Variants in PMEPA1 observed in about 807,000 individuals in gnomAD.
PMEPA1 encodes the protein protein TMEPAI.
In PMEPA1, 11 loss-of-function variants were observed where a neutral mutation model predicts 23.0. The ratio of observed to expected loss-of-function variants is 0.48; its 90% CI spans 0.30 to 0.79. PMEPA1 has a LOEUF of 0.79. Among genes scored for constraint, PMEPA1 ranks in the 30% least tolerant of loss-of-function variants. The probability of loss-of-function intolerance (pLI) is 0.06; values close to 1 mark genes in which losing one functional copy is unlikely to be tolerated. For missense variants in PMEPA1, 377 were observed against 390.9 expected (o/e 0.96, Z 0.30); for synonymous variants, 204 against 166.4 (o/e 1.23, Z -1.74).
At chr20:57,686,646 C>T (rs368542713) in intron 1 of PMEPA1, among the ~76,000 whole-genome samples, 4 of 152,254 alleles carry the variant, frequency 2.6e-5, no homozygotes, top group African/African-American at 4.8e-5. Flanking sequence ...CGGCATCCAC[C>T]GGCCTCTTTC....
intron 1 of PMEPA1, among the ~76,000 whole-genome samples, chr20:57,684,057 G>A (rs2071765452): frequency 6.6e-6 from 1 of 152,196 alleles, no homozygotes; most frequent in East Asian, 1.9e-4. Context: ...TAGGCTGATA[G>A]GTTAGACTCG....
intron 1 of PMEPA1, among the ~76,000 whole-genome samples, chr20:57,676,411 T>C (rs536036609): frequency 2.4e-4 from 36 of 152,336 alleles, no homozygotes; most frequent in African/African-American, 7.0e-4. Flanking sequence ...GCAGGCATCA[T>C]GACATGGCAA....
At position 57,681,430 on chromosome 20, in the gene PMEPA1, G is replaced by A. The variant is rs577832712; in HGVS notation, c.110-21733C>T. Among the ~76,000 whole-genome samples, 14 of 152,282 alleles carry A rather than the reference G, an allele frequency of 9.2e-5. No individual in the cohort carries two copies. In the Middle Eastern group the frequency reaches 0.01, roughly 111 times the overall value. Reference sequence around the variant, plus strand: ...AGCCAGTCCCACTTCTGCCATCTGCGGGTGACAGCGAGAGACCTCTCTAGG... The same window carrying A: ...AGCCAGTCCCACTTCTGCCATCTGCAGGTGACAGCGAGAGACCTCTCTAGG... On this transcript the variant is annotated intron_variant, in intron 1 of 3. Transcript: ENST00000341744.
rs541257415 is a variant in PMEPA1, at chr20:57,659,560, C to T, written c.247G>A (p.Glu83Lys). ...GCACTTACTGAGGACAGGGCATCTT[C>T]TCTCCTCCGCCCCTGGCTGTGCCGG... ...ISRHSQGRRR[E>K]DALSSEGCLW... Residue 83 changes from glutamate to lysine, a missense_variant, in exon 2 of 4, where the codon GAA (glutamate) becomes AAA (lysine). This residue lies in a region of PMEPA1 where 198 missense variants were observed against 196.3 expected (regional missense o/e 1.01). Coordinates refer to ENST00000341744, the MANE Select transcript of PMEPA1 (RefSeq NM_020182.5). 2 of 1,614,030 alleles carry T rather than the reference C, an allele frequency of 1.2e-6. No individual in the cohort carries two copies. The highest frequency in any genetic ancestry group is 1.1e-5 in the South Asian group (1 of 91,068).
upstream of PMEPA1, chr20:57,710,403 G>T: frequency 6.3e-7 from 1 of 1,576,184 alleles, no homozygotes; most frequent in East Asian, 2.4e-5. Context: ...CAAGGTCCCT[G>T]GGGGCTCAGG....
rs2071179244 is a variant in PMEPA1 at position 57,648,707 on chromosome 20, G to A, written c.*3346C>T. 1.3e-5 allele frequency: 2 copies of A among 152,244 alleles called. No homozygotes were observed. 9.4% of individuals were successfully genotyped at this position (152,244 alleles called of 1,614,324 possible). On this transcript the variant is annotated 3_prime_UTR_variant, in exon 4 of 4. Transcript: ENST00000341744. ...TCAGGCAGGCAGGGGAGGACGGGCT[G>A]TGTCCTTCTGAGCTCTATAGTACAG...
chr20:57,652,289 T>C lies in PMEPA1; in HGVS notation c.628A>G (p.Ser210Gly). 5 of 1,610,040 alleles carry C rather than the reference T, an allele frequency of 3.1e-6. No homozygotes were observed. The highest frequency in any genetic ancestry group is 4.2e-6 in the Non-Finnish European group (5 of 1,179,672). The change falls in exon 4 of 4, where the codon AGT (serine) becomes GGT (glycine). Residue 210 changes from serine (S) to glycine (G), a missense_variant. Physicochemically the swap from Ser to Gly is moderately conservative, Grantham distance 56. This residue lies in a region of PMEPA1 where 176 missense variants were observed against 173.0 expected (regional missense o/e 1.02). Transcript: ENST00000341744. This position sits in a 1 kb window ranked among gnomAD's most constrained non-coding sequence, Gnocchi z 6.1. ...ARLGGPCPPS[S>G]NSGISATCYG... ...CACGTGGCGCTGATGCCCGAGTTAC[T>C]GCTGGGGGGGCAGGGGCCGCCCAGC...
intron 1 of PMEPA1, among the ~76,000 whole-genome samples, chr20:57,674,094 G>C (rs2071604558): frequency 6.6e-6 from 1 of 152,186 alleles, no homozygotes; most frequent in Non-Finnish European, 1.5e-5. Flanking sequence ...TCGTGTTATA[G>C]ACCTCTGTGC....
intron 1 of PMEPA1, among the ~76,000 whole-genome samples, chr20:57,671,246 A>G (rs1358408040): frequency 1.3e-5 from 2 of 152,346 alleles, no homozygotes; most frequent in East Asian, 3.9e-4. Context: ...GTGAACTCAC[A>G]GTGAGCGAGC....
At chr20:57,690,372 T>A in intron 1 of PMEPA1, 2 of 1,163,532 alleles carry the variant, frequency 1.7e-6, no homozygotes, top group Non-Finnish European at 2.3e-6. Context: ...CTCCTGAGAA[T>A]ATCCCCAGAG....
chr20:57,708,666 G>T (rs1041509800), intron 1 of PMEPA1, among the ~76,000 whole-genome samples: 1 of 152,202 alleles, frequency 6.6e-6, no homozygotes, highest in South Asian at 2.1e-4. Context: ...TTATAGGTGC[G>T]TCGGGGACAC....
At chr20:57,685,700 C>A (rs1034426893) in intron 1 of PMEPA1, among the ~76,000 whole-genome samples, 1 of 152,140 alleles carries the variant, frequency 6.6e-6, no homozygotes, top group Non-Finnish European at 1.5e-5. Context: ...CGTGGCCGCC[C>A]AGCAAATAAT....
intron 1 of PMEPA1, among the ~76,000 whole-genome samples, chr20:57,701,039 G>A (rs1276267177): frequency 2.0e-5 from 3 of 146,950 alleles, no homozygotes; most frequent in African/African-American, 5.0e-5. Context: ...CAAAAAAAAA[G>A]AAAAGAAAAG....
intron 1 of PMEPA1, among the ~76,000 whole-genome samples, chr20:57,684,859 A>G (rs1290350239): frequency 6.9e-5 from 10 of 144,204 alleles, no homozygotes; most frequent in South Asian, 4.6e-4. Context: ...AGGAGCTGGG[A>G]GGGGGGGGTC....
chr20:57,699,362 A>C (rs973717017), intron 1 of PMEPA1, among the ~76,000 whole-genome samples: 6 of 152,246 alleles, frequency 3.9e-5, no homozygotes, highest in Non-Finnish European at 8.8e-5. Context: ...GCCCTGTGAT[A>C]GGTGCTTAAA....
intron 1 of PMEPA1, among the ~76,000 whole-genome samples, chr20:57,692,852 G>A (rs747172811): frequency 6.6e-6 from 1 of 152,212 alleles, no homozygotes; most frequent in Non-Finnish European, 1.5e-5. Flanking sequence ...AGGGAGCAGG[G>A]GGCTGCCTAA....
rs1046464760 is a variant in PMEPA1, at chr20:57,709,306, G to C, written c.109+168C>G. ...CGGGACAAAGCCGGGCCGGCCGCCA[G>C]CTGCCGCGAGCCGGGAGGGCGCGCC... On this transcript the variant is annotated intron_variant, in intron 1 of 3. Transcript: ENST00000341744. Among the ~76,000 whole-genome samples the C allele has an allele frequency of 7.5e-5, 11 of 146,368 alleles. No individual in the cohort carries two copies. Among genetic ancestry groups the C allele is most frequent in the Non-Finnish European group, 1.7e-4 (11 of 65,888 alleles).
At chr20:57,653,563 A>AT (rs1470893584) in intron 2 of PMEPA1, among the ~76,000 whole-genome samples, 1 of 152,242 alleles carries the variant, frequency 6.6e-6, no homozygotes, top group Non-Finnish European at 1.5e-5. Flanking sequence ...TACTTGCCTC[A>AT]TAGTTGCTCA....
chr20:57,695,080 C>A (rs1184038564), intron 1 of PMEPA1, among the ~76,000 whole-genome samples: 1 of 152,398 alleles, frequency 6.6e-6, no homozygotes, highest in Middle Eastern at 3.4e-3. Context: ...CGAAGCTCCA[C>A]ACTGAGGTCC....
Sources: allele counts gnomAD v4.1 joint callset (sites outside exome capture counted in the v4.1 genomes callset), GRCh38; gene constraint gnomAD v4.1.1; regional missense constraint gnomAD v4.1.1; non-coding constraint Gnocchi (gnomAD v3.1); transcripts MANE v1.5; gene names NCBI Gene and HGNC (gene_info 2026-07-23, HGNC 2026-07-21).